The following ARHGAP5 variants were observed in gnomAD, a reference collection of about 807,000 sequenced individuals.
The protein encoded by ARHGAP5 is rho GTPase-activating protein 5.
ARHGAP5 carries 23 observed loss-of-function variants against 116.6 expected under a neutral mutation model. The observed-to-expected ratio is 0.20, with a 90% confidence interval of 0.14 to 0.28. The LOEUF (loss-of-function observed/expected upper bound fraction) is 0.28, where lower values mean the gene tolerates loss of function less well. Among genes scored for constraint, ARHGAP5 ranks in the 10% least tolerant of loss-of-function variants. The probability of loss-of-function intolerance (pLI) is 1.00; values close to 1 mark genes in which losing one functional copy is unlikely to be tolerated. For synonymous variants in ARHGAP5, 574 were observed against 602.0 expected, an observed-to-expected ratio of 0.95 and a Z score of 0.68; for missense variants, 1,405 against 1,774.8, an observed-to-expected ratio of 0.79 and a Z score of 3.74.
At chr14:32,098,066 T>C (rs1878618842) in intron 2 of ARHGAP5, among the ~76,000 whole-genome samples, 1 of 152,218 alleles carries the variant, frequency 6.6e-6, no homozygotes, top group Admixed American at 6.5e-5. Context: ...TGTTGTTTCA[T>C]TGGAAGTTTC....
intron 1 of ARHGAP5, among the ~76,000 whole-genome samples, chr14:32,086,253 GGGAGGCC>G (rs1297627494): frequency 6.6e-6 from 1 of 152,126 alleles, no homozygotes; most frequent in East Asian, 1.9e-4. Context: ...ATAGTATTAG[GGGAGGCC>G]AGAGAGGTGA....
chr14:32,130,474 G>T (rs140168309), intron 3 of ARHGAP5, among the ~76,000 whole-genome samples: 205 of 151,052 alleles, frequency 1.4e-3, no homozygotes, highest in African/African-American at 4.6e-3. Context: ...CTTCCACCTC[G>T]GCCTCCCAAG....
intron 1 of ARHGAP5, among the ~76,000 whole-genome samples, chr14:32,084,623 G>A (rs1346673956): frequency 6.6e-6 from 1 of 152,122 alleles, no homozygotes; most frequent in Admixed American, 6.5e-5. Context: ...ATGCTTCTAC[G>A]TTATTTAGTC....
intron 3 of ARHGAP5, among the ~76,000 whole-genome samples, chr14:32,134,616 A>G (rs538562044): frequency 5.7e-4 from 87 of 152,322 alleles, no homozygotes; most frequent in Middle Eastern, 6.8e-3. Flanking sequence ...CTATTGAACT[A>G]TACAGTATCA....
intron 1 of ARHGAP5, among the ~76,000 whole-genome samples, chr14:32,085,926 C>G (rs1219212915): frequency 6.6e-6 from 1 of 152,092 alleles, no homozygotes; most frequent in African/African-American, 2.4e-5. Flanking sequence ...CTTTCATTCT[C>G]ATGGTTTCAT....
At chr14:32,141,465 T>G (rs1881122557) in intron 3 of ARHGAP5, among the ~76,000 whole-genome samples, 1 of 152,202 alleles carries the variant, frequency 6.6e-6, no homozygotes, top group Non-Finnish European at 1.5e-5. Context: ...TTATGCCCAT[T>G]AACATAGACT....
chr14:32,118,669 T>G (rs1206116245), intron 3 of ARHGAP5, among the ~76,000 whole-genome samples: 2 of 152,232 alleles, frequency 1.3e-5, no homozygotes, highest in Non-Finnish European at 2.9e-5. Flanking sequence ...TAGAAAAATT[T>G]CTTGTCTATA....
At chr14:32,116,731 C>T (rs778544961) in intron 2 of ARHGAP5, among the ~76,000 whole-genome samples, 2 of 152,178 alleles carry the variant, frequency 1.3e-5, no homozygotes, top group African/African-American at 2.4e-5. Context: ...AGAGCTCTTA[C>T]GTTCTTACAA....
In ARHGAP5 at chr14:32,155,021, A is replaced by G. The variant is rs532956913; in HGVS notation, c.*73A>G. 1.9e-4 allele frequency: 248 copies of G among 1,275,252 alleles called. No homozygotes were observed. The highest frequency in any genetic ancestry group is 3.2e-4 in the Admixed American group (15 of 46,858). The allele number at this position is 1,275,252 out of a possible 1,614,324, so 79.0% of individuals were successfully genotyped here. ...AGACATGCATGTTTCAGGGTTCAGTAGTATACTTCATGTTTCATACAGATA... is the reference window on the plus strand; with the variant it reads ...AGACATGCATGTTTCAGGGTTCAGTGGTATACTTCATGTTTCATACAGATA... On this transcript the variant is annotated 3_prime_UTR_variant, in exon 7 of 7. Coordinates refer to ENST00000345122, the MANE Select transcript of ARHGAP5 (RefSeq NM_001030055.2).
At chr14:32,083,185 A>G (rs1197959621) in intron 1 of ARHGAP5, among the ~76,000 whole-genome samples, 2 of 152,270 alleles carry the variant, frequency 1.3e-5, no homozygotes, top group Admixed American at 6.5e-5. Flanking sequence ...GGGGTCTGCA[A>G]ACTATGGCCT....
Position 32,099,894 on chromosome 14 carries a change from C to G in ARHGAP5, c.3717+5508C>G, listed in dbSNP as rs145678967. Among the ~76,000 whole-genome samples, 585 of 152,254 alleles carry G rather than the reference C, an allele frequency of 3.8e-3. 5 individuals are homozygous for G. The highest frequency in any genetic ancestry group is 0.013 in the African/African-American group (560 of 41,560). Reference sequence around the variant, plus strand: ...AAACTGAGCTTCGTTGTCATTCTTACCAATCAGAAGCCTTTAGGTTTCGTT... The same window carrying G: ...AAACTGAGCTTCGTTGTCATTCTTAGCAATCAGAAGCCTTTAGGTTTCGTT... On this transcript the variant is annotated intron_variant, in intron 2 of 6. Coordinates refer to ENST00000345122, the MANE Select transcript of ARHGAP5 (RefSeq NM_001030055.2).
In ARHGAP5 at chr14:32,091,197, A is replaced by G. The variant is rs754668321; in HGVS notation, c.528A>G (p.Gln176=). 1.2e-6 allele frequency: 2 copies of G among 1,613,312 alleles called. No individual in the cohort carries two copies. The highest frequency in any genetic ancestry group is 1.7e-6 in the Non-Finnish European group (2 of 1,179,612). The change falls in exon 2 of 7, where the codon CAA becomes CAG. Residue 176 remains glutamine (Q), a synonymous_variant. Transcript: ENST00000345122. ...SQGCNRKFDD[Q]LKFVNNLFVQ... is the part of the protein sequence containing the mutation. ...GATGCAATAGGAAGTTTGATGATCA[A>G]CTTAAATTTGTGAATAACCTTTTTG...
intron 1 of ARHGAP5, among the ~76,000 whole-genome samples, chr14:32,080,699 TCA>T (rs2041763289): frequency 6.6e-6 from 1 of 152,174 alleles, no homozygotes; most frequent in Non-Finnish European, 1.5e-5. Context: ...CCTCTGGGAA[TCA>T]TTCATAGAAG....
rs750575178 is a variant in ARHGAP5, at chr14:32,094,021, C to G, written c.3352C>G (p.Arg1118Gly). The G allele has an allele frequency of 3.7e-6, 6 of 1,612,980 alleles. No homozygotes were observed. Among genetic ancestry groups the G allele is most frequent in the Non-Finnish European group, 5.1e-6 (6 of 1,179,748 alleles). ...IYVVPDDSQN[R>G]IKIRNSFVNN... ...TGTTGTCCCAGATGATAGTCAAAAT[C>G]GTATTAAAATTCGAAACTCATTTGT... Residue 1118 changes from arginine to glycine, a missense_variant, in exon 2 of 7, where the codon CGT (arginine) becomes GGT (glycine). This residue lies in a region of ARHGAP5 where 944 missense variants were observed against 1,095.3 expected (regional missense o/e 0.86). Coordinates refer to ENST00000345122, the MANE Select transcript of ARHGAP5 (RefSeq NM_001030055.2).
chr14:32,133,173 G>T (rs569421904), intron 3 of ARHGAP5, among the ~76,000 whole-genome samples: 1 of 152,194 alleles, frequency 6.6e-6, no homozygotes, highest in South Asian at 2.1e-4. Context: ...AAATTACCTT[G>T]GGCAATATGG....
rs572106164 is a variant in ARHGAP5 at position 32,097,855 on chromosome 14, G to C, written c.3717+3469G>C. On this transcript the variant is annotated intron_variant, in intron 2 of 6. Transcript: ENST00000345122. Reference sequence around the variant, plus strand: ...CAGAAAACTAGAGAAAGTAATTACAGAAGACACCATTTATAAAAACATGAC... The same window carrying C: ...CAGAAAACTAGAGAAAGTAATTACACAAGACACCATTTATAAAAACATGAC... Among the ~76,000 whole-genome samples the C allele has an allele frequency of 2.6e-5, 4 of 152,274 alleles. No homozygotes were observed. In the South Asian group the frequency reaches 8.3e-4, roughly 32 times the overall value.
intron 3 of ARHGAP5, among the ~76,000 whole-genome samples, chr14:32,143,164 G>A (rs1455894345): frequency 2.6e-5 from 4 of 151,966 alleles, no homozygotes; most frequent in Non-Finnish European, 5.9e-5. Flanking sequence ...TCTAATGAAA[G>A]GGAAAAAAGG....
intron 3 of ARHGAP5, among the ~76,000 whole-genome samples, chr14:32,131,982 C>G (rs375019728): frequency 1.3e-5 from 2 of 152,134 alleles, no homozygotes; most frequent in East Asian, 3.8e-4. Flanking sequence ...TCCAGTCTGT[C>G]CTTGTTGGAC....
At chr14:32,122,956 G>T (rs1017660895) in intron 3 of ARHGAP5, among the ~76,000 whole-genome samples, 1 of 151,990 alleles carries the variant, frequency 6.6e-6, no homozygotes, top group Admixed American at 6.6e-5. Flanking sequence ...GTTCTTCTGG[G>T]TATAGAGTTT....
Sources: gnomAD v4.1 joint callset for allele counts (sites outside exome capture counted in the v4.1 genomes callset) on GRCh38, gnomAD v4.1.1 for gene constraint, gnomAD v4.1.1 regional missense constraint, MANE v1.5 for transcripts, NCBI Gene and HGNC (gene_info 2026-07-23, HGNC 2026-07-21) for gene names.